CDH13: variants seen among roughly 807,000 people sequenced by gnomAD.
The protein encoded by CDH13 is cadherin 13.
Under a neutral mutation model 63.8 loss-of-function variants are expected in CDH13, and 24 were observed. That is an observed-to-expected ratio of 0.38 (90% CI 0.27 to 0.53). The LOEUF (loss-of-function observed/expected upper bound fraction) is 0.53, where lower values mean the gene tolerates loss of function less well. Ranked by LOEUF, CDH13 falls within the 20% of genes least tolerant of loss-of-function variation. The pLI is 0.85. For synonymous variants in CDH13, 503 were observed against 355.3 expected (o/e 1.42, Z -4.67); for missense variants, 1,049 against 903.1 (o/e 1.16, Z -2.07).
chr16:83,371,171 C>A (rs897076328), intron 6 of CDH13, among the ~76,000 whole-genome samples: 1 of 152,232 alleles, frequency 6.6e-6, no homozygotes, highest in African/African-American at 2.4e-5. Flanking sequence ...CTAGCAGTCT[C>A]ATTGTTAGAT....
In CDH13 at chr16:83,021,853, A is replaced by G. The variant is rs575787693; in HGVS notation, c.158-10157A>G. 4.6e-5 allele frequency among the ~76,000 whole-genome samples: 7 copies of G among 152,332 alleles called. No individual in the cohort carries two copies. In the East Asian group the frequency reaches 5.8e-4, roughly 13 times the overall value. On this transcript the variant is annotated intron_variant, in intron 2 of 13. Coordinates refer to ENST00000567109, the MANE Select transcript of CDH13 (RefSeq NM_001257.5). ...GCCAAACATGGAACACGGAAGCCCA[A>G]TACGCATGTTCAGGAAGCAGAAGAG...
intron 2 of CDH13, among the ~76,000 whole-genome samples, chr16:82,929,430 CAGG>C (rs1398201423): frequency 6.6e-6 from 1 of 151,722 alleles, no homozygotes; most frequent in African/African-American, 2.4e-5. Flanking sequence ...ATCACAAGGT[CAGG>C]AGATCGAGAC....
Position 82,726,957 on chromosome 16 carries a change from G to A in CDH13, c.45+99820G>A, listed in dbSNP as rs77693879. Among the ~76,000 whole-genome samples, 708 of 152,300 alleles carry A rather than the reference G, an allele frequency of 4.6e-3. 5 individuals are homozygous for A. The highest frequency in any genetic ancestry group is 0.016 in the African/African-American group (678 of 41,580). The stretch of plus-strand genomic sequence containing the variant: ...TATTTACACAAAGCAGCAGGGACCT[G>A]TCTTTGATGATGAACAAGTCCAAAT... On this transcript the variant is annotated intron_variant, in intron 1 of 13. Transcript: ENST00000567109.
At chr16:83,248,715 G>C (rs772943320) in intron 5 of CDH13, among the ~76,000 whole-genome samples, 1 of 152,004 alleles carries the variant, frequency 6.6e-6, no homozygotes, top group Non-Finnish European at 1.5e-5. Flanking sequence ...CCTTCTCCAA[G>C]TTCCTTCCCT....
chr16:83,100,361 G>A lies in CDH13; in HGVS notation c.367-25024G>A, dbSNP rs11862158. 7.3e-3 allele frequency among the ~76,000 whole-genome samples: 1,113 copies of A among 152,258 alleles called. 10 individuals carry two copies. The highest frequency in any genetic ancestry group is 0.024 in the African/African-American group (1,016 of 41,546). ...GGGGATACCATATATTTTGGATACCGAGGTCAAATTTCACTGTGTGGGCAG... is the reference window on the plus strand; with the variant it reads ...GGGGATACCATATATTTTGGATACCAAGGTCAAATTTCACTGTGTGGGCAG... On this transcript the variant is annotated intron_variant, in intron 3 of 13. Transcript: ENST00000567109.
rs113922454 is a variant in CDH13, at chr16:83,564,449, C to T, written c.961-38005C>T. Among the ~76,000 whole-genome samples the T allele has an allele frequency of 7.5e-3, 1,112 of 148,820 alleles. 12 individuals carry two copies. The highest frequency in any genetic ancestry group is 0.026 in the African/African-American group (1,056 of 40,096). On this transcript the variant is annotated intron_variant, in intron 7 of 13. Coordinates refer to ENST00000567109, the MANE Select transcript of CDH13 (RefSeq NM_001257.5). ...TTTGAGATGGAGTCTCACTCTGTCA[C>T]CCAGGCTGGAGTGCAATGGCACAAT...
intron 2 of CDH13, among the ~76,000 whole-genome samples, chr16:82,922,971 TGA>T (rs1226751671): frequency 6.6e-6 from 1 of 152,222 alleles, no homozygotes; most frequent in Admixed American, 6.5e-5. Context: ...CCAGTGAATA[TGA>T]GTCATATTTA....
At chr16:83,249,863 T>A (rs1039857967) in intron 5 of CDH13, among the ~76,000 whole-genome samples, 4 of 152,216 alleles carry the variant, frequency 2.6e-5, no homozygotes, top group African/African-American at 9.6e-5. Flanking sequence ...AGGCCCAGTT[T>A]TCTGTTTGGA....
chr16:83,723,013 C>T (rs966230217), intron 10 of CDH13, among the ~76,000 whole-genome samples: 1 of 152,158 alleles, frequency 6.6e-6, no homozygotes, highest in African/African-American at 2.4e-5. Context: ...GTAACTAGAG[C>T]TGGGTGACAT....
rs1024046963 is a variant in CDH13 at position 83,498,082 on chromosome 16, G to A, written c.960+11427G>A. On this transcript the variant is annotated intron_variant, in intron 7 of 13. Transcript: ENST00000567109. ...GCAGTCCAACAGAAAAAGAGTAAAC[G>A]AAAAAGTGCCATCTAGACATTGACT... Among the ~76,000 whole-genome samples, 7 of 152,074 alleles carry A rather than the reference G, an allele frequency of 4.6e-5. No homozygotes were observed. The East Asian group carries it at 5.8e-4, about 13-fold the overall frequency.
chr16:82,832,083 T>C (rs1242812651), intron 1 of CDH13, among the ~76,000 whole-genome samples: 2 of 152,228 alleles, frequency 1.3e-5, no homozygotes, highest in African/African-American at 4.8e-5. Context: ...CCTTATCTTA[T>C]AATTACCTCT....
intron 1 of CDH13, among the ~76,000 whole-genome samples, chr16:82,742,284 G>A (rs917333075): frequency 2.0e-5 from 3 of 152,136 alleles, no homozygotes; most frequent in Admixed American, 6.5e-5. Context: ...ACATTTGGAT[G>A]TAATAATCAC....
chr16:82,707,505 CA>C (rs1415717593), intron 1 of CDH13, among the ~76,000 whole-genome samples: 4 of 152,092 alleles, frequency 2.6e-5, no homozygotes, highest in African/African-American at 9.7e-5. Context: ...TATTCACAGG[CA>C]AAATATTTTT....
intron 2 of CDH13, among the ~76,000 whole-genome samples, chr16:82,885,046 T>A (rs1559312): frequency 1.3e-5 from 2 of 151,964 alleles, no homozygotes; most frequent in Admixed American, 6.5e-5. Flanking sequence ...CTGTGTATTC[T>A]AATTTTTCTT....
chr16:83,225,823 C>A (rs1366207330), intron 5 of CDH13, among the ~76,000 whole-genome samples: 2 of 152,166 alleles, frequency 1.3e-5, no homozygotes, highest in Non-Finnish European at 2.9e-5. Context: ...TGTTGTGTTA[C>A]TATAACTTGT....
intron 6 of CDH13, among the ~76,000 whole-genome samples, chr16:83,419,540 C>T (rs1028329143): frequency 6.6e-6 from 1 of 152,120 alleles, no homozygotes; most frequent in Admixed American, 6.5e-5. Context: ...CATTACAGAA[C>T]AATTGCCATG....
intron 10 of CDH13, among the ~76,000 whole-genome samples, chr16:83,694,618 G>C (rs1905203328): frequency 6.6e-6 from 1 of 152,168 alleles, no homozygotes; most frequent in Non-Finnish European, 1.5e-5. Flanking sequence ...CCACACTAAA[G>C]AGTGTCTCTG....
Position 83,602,546 on chromosome 16 carries a change from C to G in CDH13, c.1053C>G (p.Ile351Met), listed in dbSNP as rs756475278. The G allele has an allele frequency of 6.2e-7, 1 of 1,614,026 alleles. No homozygotes were observed. The change falls in exon 8 of 14, where the codon ATC (isoleucine) becomes ATG (methionine). Residue 351 changes from isoleucine to methionine, a missense_variant. Ile to Met is a conservative substitution (Grantham distance 10, BLOSUM62 1). Transcript: ENST00000567109. Reference sequence around the variant, plus strand: ...TAACAGGCACGGCCACAGCCACGATCATGATCGATGACAAAAATGATCACT... The same window carrying G: ...TAACAGGCACGGCCACAGCCACGATGATGATCGATGACAAAAATGATCACT... ...VGLTGTATATIMIDDKNDHSP... is the reference protein window; with the variant it reads ...VGLTGTATATMMIDDKNDHSP...
chr16:82,717,525 C>G (rs1230212308), intron 1 of CDH13, among the ~76,000 whole-genome samples: 4 of 151,640 alleles, frequency 2.6e-5, no homozygotes, highest in African/African-American at 9.7e-5. Flanking sequence ...GGGCTAGAGG[C>G]AAGTTGTTGG....
Sources: gnomAD v4.1 joint callset for allele counts (sites outside exome capture counted in the v4.1 genomes callset) on GRCh38, gnomAD v4.1.1 for gene constraint, MANE v1.5 for transcripts, NCBI Gene and HGNC (gene_info 2026-07-23, HGNC 2026-07-21) for gene names.